OTUD7A: variants seen among roughly 807,000 people sequenced by gnomAD.
OTUD7A encodes the protein OTU domain-containing protein 7A.
A neutral mutation model predicts 65.7 loss-of-function variants in OTUD7A; 12 were observed. The ratio of observed to expected loss-of-function variants is 0.18; its 90% CI spans 0.12 to 0.30. OTUD7A has a LOEUF of 0.30. Ranked by LOEUF, OTUD7A falls within the 10% of genes least tolerant of loss-of-function variation. OTUD7A has a pLI of 1.00. For synonymous variants in OTUD7A, 641 were observed against 586.3 expected, an observed-to-expected ratio of 1.09 and a Z score of -1.35; for missense variants, 1,148 against 1,304.8, an observed-to-expected ratio of 0.88 and a Z score of 1.85.
intron 1 of OTUD7A, among the ~76,000 whole-genome samples, chr15:31,729,871 C>G (rs1893993749): frequency 6.6e-6 from 1 of 152,184 alleles, no homozygotes; most frequent in African/African-American, 2.4e-5. Context: ...GCCCTCTGCC[C>G]TTTGTCCTCC....
intron 8 of OTUD7A, among the ~76,000 whole-genome samples, chr15:31,520,406 G>A (rs1249820211): frequency 6.6e-6 from 1 of 152,014 alleles, no homozygotes; most frequent in Non-Finnish European, 1.5e-5. Context: ...TATTCATTTT[G>A]CGTCATTCAC....
intron 1 of OTUD7A, among the ~76,000 whole-genome samples, chr15:31,719,913 G>A (rs962522562): frequency 1.3e-5 from 2 of 151,938 alleles, no homozygotes; most frequent in African/African-American, 4.8e-5. Flanking sequence ...TCCAGCCTCA[G>A]GCCTCGACCA....
At chr15:31,626,034 A>C (rs1331174259) in intron 3 of OTUD7A, among the ~76,000 whole-genome samples, 1 of 151,928 alleles carries the variant, frequency 6.6e-6, no homozygotes, top group Non-Finnish European at 1.5e-5. Flanking sequence ...TGAGGTGGGG[A>C]GGGGTTTTGA....
intron 1 of OTUD7A, among the ~76,000 whole-genome samples, chr15:31,751,359 C>T (rs1425296255): frequency 5.3e-5 from 8 of 152,092 alleles, no homozygotes; most frequent in Non-Finnish European, 1.2e-4. Flanking sequence ...GCCGAAACCA[C>T]AAAAAGACAC....
chr15:31,733,569 A>G (rs1283637137), intron 1 of OTUD7A, among the ~76,000 whole-genome samples: 1 of 152,164 alleles, frequency 6.6e-6, no homozygotes, highest in Admixed American at 6.6e-5. Flanking sequence ...CTGGCTCTCT[A>G]TCCCGAGCAT....
chr15:31,509,737 CTAAT>C (rs2041649724), intron 8 of OTUD7A, among the ~76,000 whole-genome samples: 2 of 151,254 alleles, frequency 1.3e-5, no homozygotes, highest in African/African-American at 4.9e-5. Flanking sequence ...TTTAGGAGGC[CTAAT>C]TACTTTTAAA....
At chr15:31,597,058 G>C (rs1211037352) in intron 3 of OTUD7A, among the ~76,000 whole-genome samples, 1 of 151,956 alleles carries the variant, frequency 6.6e-6, no homozygotes, top group Non-Finnish European at 1.5e-5. Context: ...CCAAGTAGCT[G>C]GGACCACAGG....
intron 1 of OTUD7A, among the ~76,000 whole-genome samples, chr15:31,798,316 G>A (rs568938274): frequency 2.6e-5 from 4 of 152,236 alleles, no homozygotes; most frequent in South Asian, 2.1e-4. Context: ...TGCTGTGCCC[G>A]TGAGCTGCCT....
intron 3 of OTUD7A, among the ~76,000 whole-genome samples, chr15:31,611,836 G>T (rs1890432701): frequency 6.6e-6 from 1 of 152,034 alleles, no homozygotes; most frequent in African/African-American, 2.4e-5. Context: ...ACCAGGGAAG[G>T]ACATAACCAA....
At chr15:31,667,406 G>A (rs1220196026) in intron 1 of OTUD7A, among the ~76,000 whole-genome samples, 6 of 152,110 alleles carry the variant, frequency 3.9e-5, no homozygotes, top group Non-Finnish European at 8.8e-5. Context: ...TTTAACTGCT[G>A]TTGCTTTAAA....
chr15:31,513,713 G>A (rs527791348), intron 8 of OTUD7A, among the ~76,000 whole-genome samples: 2 of 152,112 alleles, frequency 1.3e-5, no homozygotes, highest in African/African-American at 4.8e-5. Flanking sequence ...CACTGGTGAG[G>A]TTGTCCCATC....
At chr15:31,550,363 G>C (rs1205815371) in intron 5 of OTUD7A, among the ~76,000 whole-genome samples, 1 of 152,156 alleles carries the variant, frequency 6.6e-6, no homozygotes, top group Non-Finnish European at 1.5e-5. Flanking sequence ...ACCCTAGGCT[G>C]CTATTGTCCC....
chr15:31,626,995 T>G (rs541972948), intron 3 of OTUD7A, among the ~76,000 whole-genome samples: 1 of 151,878 alleles, frequency 6.6e-6, no homozygotes, highest in Non-Finnish European at 1.5e-5. Context: ...CAGCAAGTTG[T>G]AATCTTGCTA....
chr15:31,716,912 A>G (rs904373354), intron 1 of OTUD7A, among the ~76,000 whole-genome samples: 1 of 152,218 alleles, frequency 6.6e-6, no homozygotes, highest in Non-Finnish European at 1.5e-5. Context: ...TGTGGCATAA[A>G]AGGCCTTCTT....
At chr15:31,660,761 T>C (rs1304318358) in intron 1 of OTUD7A, among the ~76,000 whole-genome samples, 7 of 152,234 alleles carry the variant, frequency 4.6e-5, no homozygotes, top group East Asian at 1.9e-4. Flanking sequence ...GCTATAGGAA[T>C]GTCTGTGGGG....
intron 3 of OTUD7A, among the ~76,000 whole-genome samples, chr15:31,585,146 A>G (rs1889491865): frequency 1.3e-5 from 2 of 152,288 alleles, no homozygotes; most frequent in South Asian, 4.1e-4. Flanking sequence ...CTGGTTAGAT[A>G]TGGGCCAAAG....
chr15:31,627,158 T>G (rs1289327460), intron 3 of OTUD7A, among the ~76,000 whole-genome samples: 2 of 152,030 alleles, frequency 1.3e-5, no homozygotes, highest in African/African-American at 2.4e-5. Flanking sequence ...GTTACACATG[T>G]ATGCATGTGC....
chr15:31,827,843 C>G (rs1896834665), intron 1 of OTUD7A, among the ~76,000 whole-genome samples: 1 of 38,884 alleles, frequency 2.6e-5, no homozygotes, highest in African/African-American at 5.3e-5. Context: ...AGGAGAATTG[C>G]TTGAACTTGG....
intron 1 of OTUD7A, chr15:31,766,757 G>C: frequency 6.2e-7 from 1 of 1,612,316 alleles, no homozygotes; most frequent in Non-Finnish European, 8.5e-7. Context: ...AATGGCTTTT[G>C]AATATTTTCC....
Sources: gnomAD v4.1 joint callset for allele counts (sites outside exome capture counted in the v4.1 genomes callset) on GRCh38, gnomAD v4.1.1 for gene constraint, MANE v1.5 for transcripts, NCBI Gene and HGNC (gene_info 2026-07-23, HGNC 2026-07-21) for gene names.